The following USP36 variants were observed in gnomAD, a reference collection of about 807,000 sequenced individuals.
USP36 encodes ubiquitin carboxyl-terminal hydrolase 36.
A neutral mutation model predicts 111.5 loss-of-function variants in USP36; 59 were observed. That is an observed-to-expected ratio of 0.53 (90% CI 0.43 to 0.66). The LOEUF is 0.66. Ranked by LOEUF, USP36 falls within the 30% of genes least tolerant of loss-of-function variation. The pLI, the probability that USP36 is intolerant of heterozygous loss-of-function variation, is 0.00. For missense variants in USP36, 1,488 were observed against 1,468.0 expected (o/e 1.01, Z -0.22); for synonymous variants, 628 against 581.0 (o/e 1.08, Z -1.16).
rs540808502 is a variant in USP36 at position 78,834,160 on chromosome 17, T to C, written c.475+1120A>G. ...TATTTGGGAGGCTGAGACAGGAGAA[T>C]TGCTTGCACCCAGGAGGCGGAGGTT... On this transcript the variant is annotated intron_variant, in intron 4 of 20. Transcript: ENST00000449938. Among the ~76,000 whole-genome samples, 55 of 151,740 alleles carry C rather than the reference T, an allele frequency of 3.6e-4. No homozygotes were observed. The South Asian group carries it at 8.1e-3, about 22-fold the overall frequency.
Position 78,819,968 on chromosome 17 carries a change from T to C in USP36, c.873A>G (p.Ala291=). ...IVRALELFVK[A]DVLSGENAYM... The stretch of plus-strand genomic sequence containing the variant: ...AGGCATTCTCTCCACTCAGGACATC[T>C]GCTTTCACAAAAAGTTCCAGAGCAC... Residue 291 remains alanine (A), a synonymous_variant, in exon 9 of 21, where the codon GCA becomes GCG. Coordinates refer to ENST00000449938, the MANE Select transcript of USP36 (RefSeq NM_001385174.1). 2 of 1,614,172 alleles carry C rather than the reference T, an allele frequency of 1.2e-6. No homozygotes were observed. The highest frequency in any genetic ancestry group is 1.7e-6 in the Non-Finnish European group (2 of 1,180,002).
At chr17:78,821,111 C>A in intron 7 of USP36, 50 bp from the exon 8 acceptor site, 1 of 1,542,578 alleles carries the variant, frequency 6.5e-7, no homozygotes, top group Non-Finnish European at 8.8e-7. Flanking sequence ...CAGAGGCACT[C>A]CCAGCTCCCA....
chr17:78,836,726 C>A (rs1386197775), intron 2 of USP36, among the ~76,000 whole-genome samples: 1 of 152,108 alleles, frequency 6.6e-6, no homozygotes, highest in African/African-American at 2.4e-5. Context: ...CAAAGGTCAT[C>A]ACGTGGTCCA....
chr17:78,825,057 T>A (rs1266564882), intron 6 of USP36, among the ~76,000 whole-genome samples: 3 of 152,082 alleles, frequency 2.0e-5, no homozygotes, highest in African/African-American at 7.2e-5. Flanking sequence ...ATTCCAGTAA[T>A]CATGGACTTA....
chr17:78,828,793 C>T (rs958836786), intron 5 of USP36, 104 bp downstream of exon 5: 97 of 1,162,776 alleles, frequency 8.3e-5, no homozygotes, highest in Admixed American at 7.6e-4. Flanking sequence ...CTGCTTAAGG[C>T]CAGGAATTTA....
intron 5 of USP36, among the ~76,000 whole-genome samples, chr17:78,828,199 G>A (rs2145533641): frequency 6.6e-6 from 1 of 152,268 alleles, no homozygotes; most frequent in South Asian, 2.1e-4. Flanking sequence ...AGGTATAAGA[G>A]CAAAACCCTG....
At chr17:78,840,872 G>T (rs1322008011), upstream of USP36, 1 of 152,314 alleles carries the variant, frequency 6.6e-6, no homozygotes, top group Non-Finnish European at 1.5e-5. Context: ...GCCGCACCCA[G>T]CGTTCGCGCT....
At chr17:78,816,928 T>A (rs936791132) in intron 10 of USP36, among the ~76,000 whole-genome samples, 4 of 152,228 alleles carry the variant, frequency 2.6e-5, no homozygotes, top group African/African-American at 9.6e-5. Flanking sequence ...CCATCTCAAA[T>A]ATTCACTGTT....
At chr17:78,822,640 C>T (rs1170484287) in intron 6 of USP36, among the ~76,000 whole-genome samples, 1 of 152,234 alleles carries the variant, frequency 6.6e-6, no homozygotes, top group South Asian at 2.1e-4. Context: ...GCTCTGGGGC[C>T]TCTTCTCACC....
intron 4 of USP36, among the ~76,000 whole-genome samples, chr17:78,834,036 C>T (rs992122578): frequency 2.6e-5 from 4 of 152,136 alleles, no homozygotes; most frequent in African/African-American, 9.7e-5. Flanking sequence ...CACCTGAGGT[C>T]ACGAGTTCAA....
intron 9 of USP36, chr17:78,819,211 GA>G (rs140036426): frequency 0.14 from 24,458 of 175,410 alleles, 2,178 homozygotes; most frequent in Middle Eastern, 0.21. Context: ...AGAGCTGCAG[GA>G]AACAGACCTA....
chr17:78,799,876 CCT>C, intron 17 of USP36, 108 bp from the exon 18 acceptor site: 15 of 201,630 alleles, frequency 7.4e-5, no homozygotes, highest in South Asian at 6.4e-4. Context: ...TGGATGCTTG[CCT>C]TTTTTTTTTT....
intron 4 of USP36, among the ~76,000 whole-genome samples, chr17:78,833,468 A>G (rs60877034): frequency 0.057 from 8,562 of 151,344 alleles, 769 homozygotes; most frequent in African/African-American, 0.19. Context: ...CTTCTATAGC[A>G]CTCCCTCTTT....
At chr17:78,826,995 G>A (rs1048649127) in intron 6 of USP36, 31 of 644,904 alleles carry the variant, frequency 4.8e-5, no homozygotes, top group Non-Finnish European at 7.0e-5. Flanking sequence ...CGCCACCACA[G>A]CCACCCGATC....
At chr17:78,799,878 T>C (rs1449752009) in intron 17 of USP36, 110 bp from the exon 18 acceptor site, 2 of 84,940 alleles carry the variant, frequency 2.4e-5, no homozygotes, top group Non-Finnish European at 3.7e-5. Flanking sequence ...GATGCTTGCC[T>C]TTTTTTTTTT....
At chr17:78,814,238 C>A (rs761964104) in intron 11 of USP36, among the ~76,000 whole-genome samples, 174 bp downstream of exon 11, 5 of 152,204 alleles carry the variant, frequency 3.3e-5, no homozygotes, top group Non-Finnish European at 7.3e-5. Flanking sequence ...TGGTGCAACA[C>A]TTCTGTAAAG....
intron 4 of USP36, among the ~76,000 whole-genome samples, chr17:78,830,901 A>G (rs969857052): frequency 1.3e-5 from 2 of 151,948 alleles, no homozygotes; most frequent in Admixed American, 1.3e-4. Context: ...ATGATTGGTG[A>G]ACTCAAAATT....
Position 78,799,748 on chromosome 17 carries a change from C to T in USP36, c.3043G>A (p.Val1015Met), listed in dbSNP as rs149344652. 2 of 1,608,858 alleles carry T rather than the reference C, an allele frequency of 1.2e-6. No individual in the cohort carries two copies. The highest frequency in any genetic ancestry group is 1.7e-5 in the Admixed American group (1 of 59,098). The change falls in exon 18 of 21, where the codon GTG (valine) becomes ATG (methionine). Residue 1015 changes from valine (V) to methionine (M), a missense_variant. Val to Met is a conservative substitution (Grantham distance 21). This residue lies in a region of USP36 where 1,073 missense variants were observed against 994.1 expected (regional missense o/e 1.08). Coordinates refer to ENST00000449938, the MANE Select transcript of USP36 (RefSeq NM_001385174.1). Reference protein sequence around the residue: ...DRMGLSQAPPVSWNGERESDV... With the variant: ...DRMGLSQAPPMSWNGERESDV... ...GACTCCCGCTCTCCATTCCAAGACA[C>T]AGGAGGGGCCTGGCTCAGCCCTGCA...
chr17:78,840,931 C>A (rs1029720160), upstream of USP36: 2 of 152,274 alleles, frequency 1.3e-5, no homozygotes, highest in Non-Finnish European at 1.5e-5. Context: ...GGGCTAGATT[C>A]CGCTAACTCC....
Sources: allele counts gnomAD v4.1 joint callset (sites outside exome capture counted in the v4.1 genomes callset), GRCh38; gene constraint gnomAD v4.1.1; regional missense constraint gnomAD v4.1.1; transcripts MANE v1.5; gene names NCBI Gene and HGNC (gene_info 2026-07-23, HGNC 2026-07-21).